Variants in KAZN observed in about 807,000 individuals in gnomAD.
KAZN encodes the protein kazrin.
In KAZN, 40 loss-of-function variants were observed where a neutral mutation model predicts 87.4. That is an observed-to-expected ratio of 0.46 (90% confidence interval 0.36 to 0.60). The LOEUF is 0.60. KAZN is among the 20% of genes least tolerant of loss of function. KAZN has a pLI of 0.00. For missense variants in KAZN, 898 were observed against 1,073.9 expected (o/e 0.84, Z 2.29); for synonymous variants, 466 against 458.3 (o/e 1.02, Z -0.22).
intron 1 of KAZN, among the ~76,000 whole-genome samples, chr1:14,778,737 G>T (rs1220563493): frequency 6.6e-6 from 1 of 152,090 alleles, no homozygotes; most frequent in African/African-American, 2.4e-5. Context: ...CGTGGACTCT[G>T]CTTGGTAACA....
chr1:14,605,169 G>C, intron 1 of KAZN, among the ~76,000 whole-genome samples: 1 of 152,190 alleles, frequency 6.6e-6, no homozygotes, highest in East Asian at 1.9e-4. Context: ...GGACCATCTT[G>C]AAGCCTGTAG....
intron 2 of KAZN, among the ~76,000 whole-genome samples, chr1:14,502,599 A>G (rs1670319957): frequency 6.6e-6 from 1 of 152,078 alleles, no homozygotes; most frequent in Admixed American, 6.5e-5. Context: ...CTTCTGGCAA[A>G]CGGTCAGTTT....
chr1:13,947,212 G>A (rs1317517183), intron 1 of KAZN, among the ~76,000 whole-genome samples: 2 of 152,204 alleles, frequency 1.3e-5, no homozygotes, highest in Non-Finnish European at 2.9e-5. Flanking sequence ...GGGGAAGAAG[G>A]CACATCTTGC....
At chr1:14,959,245 G>A (rs183532559) in intron 1 of KAZN, among the ~76,000 whole-genome samples, 75 of 152,312 alleles carry the variant, frequency 4.9e-4, no homozygotes, top group African/African-American at 1.7e-3. Context: ...CACACAGGGC[G>A]GTGAGAGAAG....
At chr1:14,096,756 G>A (rs541144312) in intron 1 of KAZN, among the ~76,000 whole-genome samples, 1 of 152,204 alleles carries the variant, frequency 6.6e-6, no homozygotes, top group Non-Finnish European at 1.5e-5. Context: ...AGACTCTGGA[G>A]ATCATTGCCT....
At chr1:14,690,899 A>G (rs1572234540) in intron 1 of KAZN, among the ~76,000 whole-genome samples, 1 of 151,640 alleles carries the variant, frequency 6.6e-6, no homozygotes, top group East Asian at 1.9e-4. Context: ...ATTGTTCCTC[A>G]CTCCTGATCC....
At chr1:14,797,109 G>A (rs988257875) in intron 1 of KAZN, among the ~76,000 whole-genome samples, 3 of 152,186 alleles carry the variant, frequency 2.0e-5, no homozygotes, top group African/African-American at 4.8e-5. Context: ...TGCCCAGGTT[G>A]GAGTGCAGTG....
rs533335516 is a variant in KAZN, at chr1:14,890,116, G to A, written c.227-70568G>A. ...GGGAAGCTTACCACAGGGACCCTGA[G>A]GGGGCTTCCCAGAACTTGCTGAACA... On this transcript the variant is annotated intron_variant, in intron 1 of 14. Coordinates refer to ENST00000376030, the MANE Select transcript of KAZN (RefSeq NM_201628.3). 9.8e-5 allele frequency among the ~76,000 whole-genome samples: 15 copies of A among 152,332 alleles called. No homozygotes were observed. The East Asian group carries it at 2.1e-3, about 22-fold the overall frequency.
chr1:14,385,408 G>C (rs1277284797), intron 2 of KAZN, among the ~76,000 whole-genome samples: 1 of 152,088 alleles, frequency 6.6e-6, no homozygotes, highest in Non-Finnish European at 1.5e-5. Context: ...TGATGGTAGG[G>C]TGTCAATTTT....
At chr1:15,109,530 T>A (rs1045028743) in intron 13 of KAZN, among the ~76,000 whole-genome samples, 4 of 152,232 alleles carry the variant, frequency 2.6e-5, no homozygotes, top group African/African-American at 9.7e-5. Context: ...CACAGTAAGA[T>A]GTAATTGTAG....
intron 1 of KAZN, among the ~76,000 whole-genome samples, chr1:14,870,039 C>G (rs1339148142): frequency 6.6e-6 from 1 of 152,040 alleles, no homozygotes; most frequent in African/African-American, 2.4e-5. Context: ...CAGATTTTTC[C>G]CCAATGAGAT....
chr1:14,372,932 CAG>C lies in KAZN; in HGVS notation c.249+192342_249+192343del, dbSNP rs1660617901. Among the ~76,000 whole-genome samples the C allele has an allele frequency of 2.0e-5, 3 of 152,010 alleles. No homozygotes were observed. In the South Asian group the frequency reaches 6.2e-4, roughly 32 times the overall value. The stretch of plus-strand genomic sequence containing the variant: ...TAACTAATTATATAAAATCACGTAA[CAG>C]AAACAGGGGATAGAGATAGAAACTA... On this transcript the variant is annotated intron_variant, in intron 2 of 16. Transcript: ENST00000636203.
intron 1 of KAZN, among the ~76,000 whole-genome samples, chr1:14,635,696 A>G (rs1572100421): frequency 6.6e-6 from 1 of 152,204 alleles, no homozygotes; most frequent in East Asian, 1.9e-4. Context: ...CTTCAGGTAT[A>G]GCGATCTGTG....
At chr1:14,819,868 T>C (rs778630105) in intron 1 of KAZN, among the ~76,000 whole-genome samples, 5 of 151,788 alleles carry the variant, frequency 3.3e-5, no homozygotes, top group Non-Finnish European at 7.4e-5. Flanking sequence ...CCACCACACC[T>C]GGCTAATTTT....
rs1320562952 is a variant in KAZN at position 14,820,862 on chromosome 1, G to A, written c.227-139822G>A. Among the ~76,000 whole-genome samples the A allele has an allele frequency of 1.3e-5, 2 of 152,174 alleles. No homozygotes were observed. Among genetic ancestry groups the A allele is most frequent in the African/African-American group, 4.8e-5 (2 of 41,452 alleles). ...GGAAGGGATACGCCCAAGATGGCCA[G>A]GAGAGAAGAGCCGAGGGGCAGGGTG... On this transcript the variant is annotated intron_variant, in intron 1 of 14. Transcript: ENST00000376030. This position sits in a 1 kb window ranked among gnomAD's most constrained non-coding sequence, Gnocchi z 4.1.
At chr1:15,104,299 C>T in intron 13 of KAZN, 110 bp downstream of exon 13, 1 of 1,132,794 alleles carries the variant, frequency 8.8e-7, no homozygotes, top group Non-Finnish European at 1.2e-6. Flanking sequence ...TACTGCCTCC[C>T]ACTCGTTCTT....
intron 2 of KAZN, among the ~76,000 whole-genome samples, chr1:14,988,778 G>A (rs1445136107): frequency 6.6e-6 from 1 of 152,176 alleles, no homozygotes; most frequent in Non-Finnish European, 1.5e-5. Context: ...AGCTGCAGGG[G>A]CCACTGAATT....
Position 14,054,085 on chromosome 1 carries a change from T to C in KAZN, c.92-126350T>C, listed in dbSNP as rs1642448897. Among the ~76,000 whole-genome samples the C allele has an allele frequency of 3.3e-5, 5 of 151,710 alleles. No homozygotes were observed. The South Asian group carries it at 1.0e-3, about 32-fold the overall frequency. On this transcript the variant is annotated intron_variant, in intron 1 of 16. Coordinates refer to the KAZN transcript ENST00000636203. ...ATTGGTTTTTCTGTCTCAAAGGTAG[T>C]GGTTTGTCCGTGAGTTTTTTTTTAA...
At chr1:15,026,514 G>A (rs922162644) in intron 2 of KAZN, among the ~76,000 whole-genome samples, 21 of 152,184 alleles carry the variant, frequency 1.4e-4, no homozygotes, top group African/African-American at 4.8e-4. Context: ...TAGAGCGGGG[G>A]AAAAAAGCAG....
Sources: gnomAD v4.1 joint callset for allele counts (sites outside exome capture counted in the v4.1 genomes callset) on GRCh38, gnomAD v4.1.1 for gene constraint, Gnocchi (gnomAD v3.1) non-coding constraint, MANE v1.5 for transcripts, NCBI Gene and HGNC (gene_info 2026-07-23, HGNC 2026-07-21) for gene names.